Variants in FAM118A observed in about 807,000 individuals in gnomAD.
FAM118A encodes the protein SIR2 antiphage like 2, also known as protein FAM118A.
FAM118A carries 25 observed loss-of-function variants against 38.2 expected under a neutral mutation model. That is an observed-to-expected ratio of 0.65 (90% CI 0.48 to 0.91). The LOEUF (loss-of-function observed/expected upper bound fraction) is 0.91, where lower values mean the gene tolerates loss of function less well. FAM118A is among the 40% of genes least tolerant of loss of function. FAM118A has a pLI of 0.00. For missense variants in FAM118A, 425 were observed against 463.3 expected (o/e 0.92, Z 0.76); for synonymous variants, 178 against 184.1 (o/e 0.97, Z 0.27).
intron 3 of FAM118A, among the ~76,000 whole-genome samples, chr22:45,325,252 C>T (rs890298766): frequency 6.6e-6 from 1 of 152,168 alleles, no homozygotes; most frequent in Non-Finnish European, 1.5e-5. Flanking sequence ...CATCATTCAA[C>T]TCTTCTGTTC....
intron 5 of FAM118A, among the ~76,000 whole-genome samples, chr22:45,331,669 C>G (rs2085729934): frequency 6.6e-6 from 1 of 152,202 alleles, no homozygotes; most frequent in African/African-American, 2.4e-5. Context: ...GTGCTCATCC[C>G]TGGGCCGGTG....
At position 45,332,412 on chromosome 22, in the gene FAM118A, T is replaced by C; in HGVS notation, c.652-13T>C. On this transcript the variant is annotated splice_polypyrimidine_tract_variant and intron_variant, in intron 5 of 8. Coordinates refer to ENST00000441876, the MANE Select transcript of FAM118A (RefSeq NM_017911.4). ...TCAAATGAGCACTCAATTTCTTCAT[T>C]GGCCTTTTCTAGGAAGTCCTCCAGA... 1 of 1,602,574 alleles carries C rather than the reference T, an allele frequency of 6.2e-7. No individual in the cohort carries two copies. The highest frequency in any genetic ancestry group is 8.5e-7 in the Non-Finnish European group (1 of 1,174,954).
chr22:45,331,826 C>G (rs540498191), intron 5 of FAM118A, among the ~76,000 whole-genome samples: 1 of 152,256 alleles, frequency 6.6e-6, no homozygotes, highest in South Asian at 2.1e-4. Flanking sequence ...TTCCCTCCTG[C>G]CTGCCTGAGT....
intron 7 of FAM118A, among the ~76,000 whole-genome samples, chr22:45,335,855 T>G (rs998088004): frequency 6.6e-6 from 1 of 152,240 alleles, no homozygotes; most frequent in Admixed American, 6.5e-5. Flanking sequence ...TTAATGAGAC[T>G]CGGTGGCCAT....
At chr22:45,330,209 C>CT (rs1329389086) in intron 4 of FAM118A, among the ~76,000 whole-genome samples, 2 of 152,132 alleles carry the variant, frequency 1.3e-5, no homozygotes, top group Non-Finnish European at 2.9e-5. Flanking sequence ...TAAATAAGTC[C>CT]TTTTTTTCCA....
chr22:45,326,111 A>G (rs1265821618), intron 3 of FAM118A, among the ~76,000 whole-genome samples: 1 of 152,094 alleles, frequency 6.6e-6, no homozygotes, highest in Non-Finnish European at 1.5e-5. Context: ...CCAGGTGCCG[A>G]GGCAGAGGGT....
At chr22:45,317,864 G>A (rs919341596) in intron 1 of FAM118A, among the ~76,000 whole-genome samples, 3 of 152,140 alleles carry the variant, frequency 2.0e-5, no homozygotes, top group South Asian at 2.1e-4. Flanking sequence ...AGGGTGTGTC[G>A]GACTTGTACT....
rs1178820127 is a variant in FAM118A, at chr22:45,330,676, G to A, written c.596G>A (p.Gly199Glu). Residue 199 changes from glycine to glutamate, a missense_variant, in exon 5 of 9, where the codon GGG (glycine) becomes GAG (glutamate). Coordinates refer to ENST00000441876, the MANE Select transcript of FAM118A (RefSeq NM_017911.4). Reference protein sequence around the residue: ...HIHGLYTDPCGVVLDPSGYKD... With the variant: ...HIHGLYTDPCEVVLDPSGYKD... ...CACGGCCTCTACACGGACCCCTGCG[G>A]GGTGGTGCTGGACCCATCGGGGTAT... The A allele has an allele frequency of 1.2e-6, 2 of 1,605,308 alleles. No individual in the cohort carries two copies. Among genetic ancestry groups the A allele is most frequent in the Non-Finnish European group, 1.7e-6 (2 of 1,176,968 alleles).
chr22:45,334,003 CTG>C (rs1415996769), intron 6 of FAM118A, among the ~76,000 whole-genome samples: 6 of 152,226 alleles, frequency 3.9e-5, no homozygotes, highest in African/African-American at 1.4e-4. Context: ...TATCTCATAT[CTG>C]TGTCCTATTA....
intron 8 of FAM118A, among the ~76,000 whole-genome samples, chr22:45,338,662 A>G (rs1338550048): frequency 6.6e-6 from 1 of 152,226 alleles, no homozygotes; most frequent in Non-Finnish European, 1.5e-5. Context: ...TTTTCATATA[A>G]TAGGAGTTTA....
At chr22:45,330,544 T>C (rs2085634517) in intron 4 of FAM118A, 59 bp from the exon 5 acceptor site, 1 of 1,461,518 alleles carries the variant, frequency 6.8e-7, no homozygotes, top group Non-Finnish European at 9.1e-7. Flanking sequence ...AGTATTTTCT[T>C]CTCTCTGTTT....
rs1335079854 is a variant in FAM118A, at chr22:45,335,269, C to G, written c.938-81C>G. The stretch of plus-strand genomic sequence containing the variant: ...AAGCCTGTTCCCAGTCCCTGCCGTT[C>G]CCAGTCACTGCCTCAGGGTGGCCGA... On this transcript the variant is annotated intron_variant, in intron 6 of 8. Coordinates refer to ENST00000441876, the MANE Select transcript of FAM118A (RefSeq NM_017911.4). 1.9e-5 allele frequency: 30 copies of G among 1,540,824 alleles called. 1 individual carries two copies. Among genetic ancestry groups the G allele is most frequent in the Non-Finnish European group, 2.1e-5 (23 of 1,116,106 alleles).
At chr22:45,326,516 C>T (rs889303348) in intron 3 of FAM118A, among the ~76,000 whole-genome samples, 2 of 151,872 alleles carry the variant, frequency 1.3e-5, no homozygotes, top group Non-Finnish European at 2.9e-5. Flanking sequence ...AGCGAGACCT[C>T]GTCTCTACAA....
chr22:45,323,077 A>C, intron 2 of FAM118A, 98 bp from the exon 3 acceptor site: 1 of 886,116 alleles, frequency 1.1e-6, no homozygotes, highest in African/African-American at 3.1e-5. Context: ...GTGTGTGTGT[A>C]CACAGCACAA....
chr22:45,326,824 C>CAA (rs36188767), intron 3 of FAM118A, among the ~76,000 whole-genome samples: 99 of 39,642 alleles, frequency 2.5e-3, no homozygotes, highest in East Asian at 4.0e-3. Context: ...GACTCTGTCT[C>CAA]AAAAAAAAAA....
At chr22:45,323,942 T>G (rs572774021) in intron 3 of FAM118A, among the ~76,000 whole-genome samples, 62 of 152,350 alleles carry the variant, frequency 4.1e-4, no homozygotes, top group African/African-American at 1.4e-3. Context: ...ATGGGTCTGG[T>G]GCAGGGGAAG....
rs144447075 is a variant in FAM118A at position 45,323,302 on chromosome 22, G to A, written c.175G>A (p.Val59Ile). ...CTCGTGGAGAAGCTGCATCGAGGCC[G>A]TCATCGAGGCTGCAGAGCAGCTGGA... ...LCSWRSCIEA[V>I]IEAAEQLEVL... The change falls in exon 3 of 9, where the codon GTC (valine) becomes ATC (isoleucine). Residue 59 changes from valine (V) to isoleucine (I), a missense_variant. Val to Ile is a conservative substitution (Grantham distance 29). Transcript: ENST00000441876. 1.3e-4 allele frequency: 210 copies of A among 1,614,184 alleles called. No individual in the cohort carries two copies. Among genetic ancestry groups the A allele is most frequent in the African/African-American group, 1.7e-4 (13 of 75,050 alleles).
intron 3 of FAM118A, among the ~76,000 whole-genome samples, chr22:45,324,663 A>T (rs886560722): frequency 6.6e-6 from 1 of 152,188 alleles, no homozygotes; most frequent in Non-Finnish European, 1.5e-5. Flanking sequence ...ACACCCATTC[A>T]TTTACGTATA....
In FAM118A at chr22:45,340,797, C is replaced by T. The variant is rs1202593711; in HGVS notation, c.*392C>T. 3 of 228,250 alleles carry T rather than the reference C, an allele frequency of 1.3e-5. No homozygotes were observed. The highest frequency in any genetic ancestry group is 4.6e-5 in the African/African-American group (2 of 43,564). 14.1% of individuals were successfully genotyped at this position (228,250 alleles called of 1,614,324 possible). A position where few individuals can be genotyped will look rare whatever the true frequency, so the allele number is the denominator to read the frequency against. On this transcript the variant is annotated 3_prime_UTR_variant, in exon 9 of 9. Coordinates refer to ENST00000441876, the MANE Select transcript of FAM118A (RefSeq NM_017911.4). ...AACAGTAGCTGCCAAAGAGAAAATA[C>T]GAAATAGACACTTTTTTTTTTTGAG...
Sources: allele counts gnomAD v4.1 joint callset (sites outside exome capture counted in the v4.1 genomes callset), GRCh38; gene constraint gnomAD v4.1.1; transcripts MANE v1.5; gene names NCBI Gene and HGNC (gene_info 2026-07-23, HGNC 2026-07-21).